LCOR: variants seen among roughly 807,000 people sequenced by gnomAD.
LCOR encodes ligand dependent nuclear receptor corepressor, also known as ligand-dependent corepressor.
A neutral mutation model predicts 64.4 loss-of-function variants in LCOR; 14 were observed. The ratio of observed to expected loss-of-function variants is 0.22; its 90% CI spans 0.14 to 0.34. LCOR has a LOEUF of 0.34. Ranked by LOEUF, LCOR falls within the 10% of genes least tolerant of loss-of-function variation. The probability of loss-of-function intolerance (pLI) is 1.00; values close to 1 mark genes in which losing one functional copy is unlikely to be tolerated. For synonymous variants in LCOR, 643 were observed against 642.5 expected (o/e 1.00, Z -0.01); for missense variants, 1,686 against 1,765.3 (o/e 0.96, Z 0.80).
chr10:96,918,804 A>G (rs910606433), intron 4 of LCOR, among the ~76,000 whole-genome samples: 1 of 152,186 alleles, frequency 6.6e-6, no homozygotes, highest in Admixed American at 6.5e-5. Context: ...TTGCCCTCAC[A>G]GTGAGAGCAG....
intron 7 of LCOR, chr10:96,958,906 T>TAAAAAAAAAAAAAAAAAA (rs74784568): frequency 5.8e-5 from 6 of 103,884 alleles, no homozygotes; most frequent in Admixed American, 1.0e-4. Context: ...AAGAAAAACT[T>TAAAAAAAAAAAAAAAAAA]AAAAAAAAAA....
In LCOR at chr10:96,934,188, A is replaced by G. The variant is rs147287581; in HGVS notation, c.-183-9925A>G. Among the ~76,000 whole-genome samples the G allele has an allele frequency of 1.6e-3, 247 of 152,344 alleles. 5 individuals are homozygous for G. The East Asian group carries it at 0.041, about 25-fold the overall frequency. On this transcript the variant is annotated intron_variant, in intron 4 of 7. Transcript: ENST00000421806. ...TGGTAATAAGCTTTATAATCTTTAA[A>G]TGGATTCTCTAGGTAAGATTACATA...
intron 4 of LCOR, among the ~76,000 whole-genome samples, chr10:96,933,014 G>A (rs549046518): frequency 6.6e-6 from 1 of 152,218 alleles, no homozygotes; most frequent in African/African-American, 2.4e-5. Flanking sequence ...TAAAAAACTG[G>A]TCTAATTGCA....
rs187725756 is a variant in LCOR at position 96,842,092 on chromosome 10, T to C, written c.-330+8613T>C. 3.7e-3 allele frequency among the ~76,000 whole-genome samples: 565 copies of C among 152,118 alleles called. 5 individuals carry two copies. Among genetic ancestry groups the C allele is most frequent in the Middle Eastern group, 6.8e-3 (2 of 294 alleles). On this transcript the variant is annotated intron_variant, in intron 2 of 7. Coordinates refer to ENST00000421806, the MANE Select transcript of LCOR (RefSeq NM_001346516.2). Reference sequence around the variant, plus strand: ...AAAGCATGCTTTACCTTTCCTAAACTCACAGTATAAAGGGAAAGAGAGGCC... The same window carrying C: ...AAAGCATGCTTTACCTTTCCTAAACCCACAGTATAAAGGGAAAGAGAGGCC...
chr10:96,880,582 G>A (rs1457276729), intron 2 of LCOR, among the ~76,000 whole-genome samples: 1 of 152,168 alleles, frequency 6.6e-6, no homozygotes, highest in Non-Finnish European at 1.5e-5. Flanking sequence ...ATTTGTAGTA[G>A]AGATGGGGTT....
intron 2 of LCOR, among the ~76,000 whole-genome samples, chr10:96,881,837 T>C (rs781352348): frequency 6.6e-6 from 1 of 152,218 alleles, no homozygotes; most frequent in South Asian, 2.1e-4. Flanking sequence ...GGTGGAAATA[T>C]CCTCTTAAAA....
intron 4 of LCOR, among the ~76,000 whole-genome samples, chr10:96,942,845 TAA>T (rs1055088629): frequency 6.6e-5 from 10 of 152,214 alleles, no homozygotes; most frequent in Non-Finnish European, 1.5e-4. Flanking sequence ...TATATGGAAA[TAA>T]AGACATTAAT....
chr10:96,907,836 T>A (rs1180369110), intron 4 of LCOR, 89 bp downstream of exon 4: 1 of 337,264 alleles, frequency 3.0e-6, no homozygotes, highest in Non-Finnish European at 4.2e-6. Flanking sequence ...TTGGAGGATT[T>A]GTAGGAAAAG....
Position 96,984,510 on chromosome 10 carries a change from C to T in LCOR, c.4050C>T (p.Cys1350=). The part of the protein sequence containing the change: ...VESKPSRKSV[C]INPLMSPKLA... ...GTAAGCCAAGTCGTAAGAGCGTATG[C>T]ATCAACCCTCTGATGTCCCCCAAGC... Residue 1350 remains cysteine (C), a synonymous_variant, in exon 8 of 8, where the codon TGC becomes TGT. Transcript: ENST00000421806. The T allele has an allele frequency of 3.1e-6, 5 of 1,614,224 alleles. No individual in the cohort carries two copies. The highest frequency in any genetic ancestry group is 2.2e-5 in the South Asian group (2 of 91,086).
chr10:96,845,553 GC>G (rs201672121), intron 2 of LCOR, among the ~76,000 whole-genome samples: 2,974 of 133,110 alleles, frequency 0.022, 106 homozygotes, highest in African/African-American at 0.079. Context: ...TGCAGGCTCT[GC>G]CCCCCGGGGT....
At chr10:96,898,768 T>C (rs1006091744) in intron 2 of LCOR, among the ~76,000 whole-genome samples, 5 of 152,206 alleles carry the variant, frequency 3.3e-5, no homozygotes, top group African/African-American at 1.2e-4. Flanking sequence ...TTTTACAGTA[T>C]TCCTTTGAAT....
rs1046142647 is a variant in LCOR, at chr10:96,951,437, T to C, written c.239-666T>C. ...TCTTGCATTCATAAAATTCAGCAAT[T>C]GAATTTTGAATCTCTGCAAAATTTT... is the stretch of plus-strand genomic sequence containing the variant. On this transcript the variant is annotated intron_variant, in intron 6 of 7. Transcript: ENST00000421806. 3.3e-5 allele frequency among the ~76,000 whole-genome samples: 5 copies of C among 152,264 alleles called. No homozygotes were observed. The East Asian group carries it at 7.7e-4, about 23-fold the overall frequency.
intron 2 of LCOR, among the ~76,000 whole-genome samples, chr10:96,833,958 C>T (rs1845395573): frequency 6.6e-6 from 1 of 152,186 alleles, no homozygotes; most frequent in African/African-American, 2.4e-5. Context: ...AATTACAGCA[C>T]TTGGTTAGCT....
chr10:96,868,112 G>A lies in LCOR; in HGVS notation c.-330+34633G>A, dbSNP rs970686061. Among the ~76,000 whole-genome samples the A allele has an allele frequency of 6.6e-5, 10 of 152,082 alleles. No homozygotes were observed. In the South Asian group the frequency reaches 1.2e-3, roughly 19 times the overall value. ...TTTGTCAGGCTGGTCTCGAACTCCC[G>A]ACCTCAGGTGATCCACCCGCCTCGG... On this transcript the variant is annotated intron_variant, in intron 2 of 7. Coordinates refer to ENST00000421806, the MANE Select transcript of LCOR (RefSeq NM_001346516.2).
At chr10:96,949,354 A>C (rs1013716062) in intron 6 of LCOR, 59 bp downstream of exon 6, 1 of 1,483,356 alleles carries the variant, frequency 6.7e-7, no homozygotes, top group Non-Finnish European at 9.3e-7. Context: ...TTGGGGAGAA[A>C]AAAAAAAGCA....
intron 2 of LCOR, among the ~76,000 whole-genome samples, chr10:96,865,257 AC>A (rs1845951482): frequency 6.6e-6 from 1 of 151,360 alleles, no homozygotes; most frequent in East Asian, 1.9e-4. Context: ...TTGACTGTGG[AC>A]TGTTAGGCTG....
intron 2 of LCOR, among the ~76,000 whole-genome samples, chr10:96,848,283 A>G (rs1845666258): frequency 6.6e-6 from 1 of 152,246 alleles, no homozygotes; most frequent in Non-Finnish European, 1.5e-5. Flanking sequence ...GTGACTCAGG[A>G]ACAGAAGTAT....
intron 2 of LCOR, among the ~76,000 whole-genome samples, chr10:96,896,648 T>G (rs1330726802): frequency 6.6e-6 from 1 of 152,142 alleles, no homozygotes; most frequent in Admixed American, 6.5e-5. Context: ...GGTCTTGAAC[T>G]CCTGACCTCA....
At chr10:96,917,290 C>T (rs896952318) in intron 4 of LCOR, among the ~76,000 whole-genome samples, 48 of 152,130 alleles carry the variant, frequency 3.2e-4, no homozygotes, top group African/African-American at 1.1e-3. Context: ...GAGAAGATAA[C>T]AGAGAAGTAA....
Sources: gnomAD v4.1 joint callset for allele counts (sites outside exome capture counted in the v4.1 genomes callset) on GRCh38, gnomAD v4.1.1 for gene constraint, MANE v1.5 for transcripts, NCBI Gene and HGNC (gene_info 2026-07-23, HGNC 2026-07-21) for gene names.